LDLRAD4: variants seen among roughly 807,000 people sequenced by gnomAD.
LDLRAD4 encodes the protein low-density lipoprotein receptor class A domain-containing protein 4.
A neutral mutation model predicts 17.0 loss-of-function variants in LDLRAD4; 5 were observed. The observed-to-expected ratio is 0.29, with a 90% CI of 0.15 to 0.62. The LOEUF (loss-of-function observed/expected upper bound fraction) is 0.62. Among genes scored for constraint, LDLRAD4 ranks in the 20% least tolerant of loss-of-function variants. The pLI is 0.84. For synonymous variants in LDLRAD4, 168 were observed against 171.8 expected (o/e 0.98, Z 0.17); for missense variants, 340 against 424.7 (o/e 0.80, Z 1.75).
At chr18:13,401,728 G>C (rs763559220) in intron 2 of LDLRAD4, among the ~76,000 whole-genome samples, 1 of 152,232 alleles carries the variant, frequency 6.6e-6, no homozygotes, top group African/African-American at 2.4e-5. Flanking sequence ...GACACGTGGA[G>C]AATGGGGTCT....
chr18:13,281,804 C>G (rs1241862199), intron 1 of LDLRAD4, among the ~76,000 whole-genome samples: 1 of 152,214 alleles, frequency 6.6e-6, no homozygotes, highest in Non-Finnish European at 1.5e-5. Context: ...CCTCTGTCTA[C>G]CCAGCATCAG....
chr18:13,244,938 A>T (rs1281220508), intron 1 of LDLRAD4, among the ~76,000 whole-genome samples: 1 of 152,240 alleles, frequency 6.6e-6, no homozygotes, highest in Admixed American at 6.5e-5. Flanking sequence ...AGAAACAAAC[A>T]AGCAAGAGCG....
chr18:13,266,120 C>T (rs184029499), intron 1 of LDLRAD4, among the ~76,000 whole-genome samples: 77 of 152,294 alleles, frequency 5.1e-4, no homozygotes, highest in African/African-American at 1.7e-3. Flanking sequence ...GCAAGAATGG[C>T]GGGCTCCTTG....
chr18:13,604,910 G>A (rs1286055923), intron 3 of LDLRAD4, among the ~76,000 whole-genome samples: 3 of 152,084 alleles, frequency 2.0e-5, no homozygotes, highest in Non-Finnish European at 4.4e-5. Flanking sequence ...CAGGCAGGCA[G>A]GACACATGTG....
intron 3 of LDLRAD4, among the ~76,000 whole-genome samples, chr18:13,619,481 C>T (rs1185975863): frequency 6.2e-5 from 3 of 48,416 alleles, no homozygotes; most frequent in East Asian, 2.2e-3. Flanking sequence ...CCCTGGGGAG[C>T]GTTTTTGTGT....
In LDLRAD4 at chr18:13,300,530, G is replaced by C. The variant is rs552194924; in HGVS notation, c.-383+22342G>C. 4.6e-5 allele frequency among the ~76,000 whole-genome samples: 7 copies of C among 152,350 alleles called. No individual in the cohort carries two copies. Among genetic ancestry groups the C allele is most frequent in the African/African-American group, 1.7e-4 (7 of 41,584 alleles). The stretch of plus-strand genomic sequence containing the variant: ...CCATTGTCCTCACTCTTCCTCCTGG[G>C]CCTGTCCCGGTAGAGATACCCGGAA... On this transcript the variant is annotated intron_variant, in intron 1 of 5. Transcript: ENST00000359446. This position sits in a 1 kb window ranked among gnomAD's most constrained non-coding sequence, Gnocchi z 4.2.
rs567316574 is a variant in LDLRAD4 at position 13,552,235 on chromosome 18, A to G, written c.182-68882A>G. ...CTCCCAGCGGCCAGCCAGGTTGAGC[A>G]TCTGCATCCTTTAAACTGTCCACCA... is the stretch of plus-strand genomic sequence containing the variant. On this transcript the variant is annotated intron_variant, in intron 3 of 5. Coordinates refer to ENST00000359446, the Ensembl canonical transcript of LDLRAD4. Among the ~76,000 whole-genome samples, 4 of 152,240 alleles carry G rather than the reference A, an allele frequency of 2.6e-5. 1 individual carries two copies. The South Asian group carries it at 8.3e-4, about 31-fold the overall frequency.
chr18:13,354,647 G>A (rs986196229), intron 1 of LDLRAD4, among the ~76,000 whole-genome samples: 1 of 152,202 alleles, frequency 6.6e-6, no homozygotes, highest in Non-Finnish European at 1.5e-5. Flanking sequence ...GATCAGCTGA[G>A]CCTTCTGGTG....
At chr18:13,599,916 G>C (rs773918452) in intron 3 of LDLRAD4, among the ~76,000 whole-genome samples, 6 of 152,118 alleles carry the variant, frequency 3.9e-5, no homozygotes, top group Non-Finnish European at 8.8e-5. Context: ...TTTTAAATGA[G>C]CAAAAGAAAG....
chr18:13,503,241 T>C (rs1047287746), intron 3 of LDLRAD4, among the ~76,000 whole-genome samples: 5 of 152,216 alleles, frequency 3.3e-5, no homozygotes, highest in Admixed American at 6.5e-5. Context: ...CCCTAGGTAC[T>C]AACTGTTGGA....
intron 1 of LDLRAD4, among the ~76,000 whole-genome samples, chr18:13,351,634 C>T (rs139910990): frequency 1.4e-4 from 21 of 152,046 alleles, no homozygotes; most frequent in Middle Eastern, 6.8e-3. Context: ...GCCTACCAAC[C>T]GAAAAAAGCC....
At chr18:13,288,337 T>A (rs1414190528) in intron 1 of LDLRAD4, among the ~76,000 whole-genome samples, 1 of 152,238 alleles carries the variant, frequency 6.6e-6, no homozygotes, top group Non-Finnish European at 1.5e-5. Flanking sequence ...CTCTTCCCTA[T>A]CTGTTTAAAG....
chr18:13,425,088 T>C (rs934538137), intron 2 of LDLRAD4, among the ~76,000 whole-genome samples: 1 of 152,200 alleles, frequency 6.6e-6, no homozygotes, highest in Admixed American at 6.5e-5. Context: ...AAATAACAAA[T>C]AAACAATACT....
At chr18:13,395,956 T>A (rs935158388) in intron 2 of LDLRAD4, among the ~76,000 whole-genome samples, 3 of 152,110 alleles carry the variant, frequency 2.0e-5, no homozygotes, top group African/African-American at 7.2e-5. Flanking sequence ...CAGAGTCTCA[T>A]GGAGTCGTCA....
chr18:13,315,993 G>C (rs2080912038), intron 1 of LDLRAD4, among the ~76,000 whole-genome samples: 1 of 152,086 alleles, frequency 6.6e-6, no homozygotes, highest in South Asian at 2.1e-4. Flanking sequence ...GAGCATGAGA[G>C]CCACGGAGAT....
chr18:13,355,291 G>A (rs1257961562), intron 1 of LDLRAD4, among the ~76,000 whole-genome samples: 1 of 152,240 alleles, frequency 6.6e-6, no homozygotes, highest in Non-Finnish European at 1.5e-5. Flanking sequence ...ATTGATGTAT[G>A]TGGGGAAGTA....
chr18:13,504,752 A>G (rs1265854837), intron 3 of LDLRAD4, among the ~76,000 whole-genome samples: 2 of 152,218 alleles, frequency 1.3e-5, no homozygotes, highest in Admixed American at 6.5e-5. Flanking sequence ...TTTAGAATAC[A>G]CACTTTCTCT....
intron 3 of LDLRAD4, among the ~76,000 whole-genome samples, chr18:13,584,377 G>A (rs546152084): frequency 2.4e-4 from 37 of 152,242 alleles, no homozygotes; most frequent in African/African-American, 8.7e-4. Flanking sequence ...ACTGCTTGGC[G>A]CTTCCTCTCC....
chr18:13,231,498 A>G (rs2042074453), intron 1 of LDLRAD4, among the ~76,000 whole-genome samples: 1 of 152,222 alleles, frequency 6.6e-6, no homozygotes, highest in Non-Finnish European at 1.5e-5. Flanking sequence ...TCAACCAGCC[A>G]CGAATGGTAA....
Sources: allele counts gnomAD v4.1 joint callset (sites outside exome capture counted in the v4.1 genomes callset), GRCh38; gene constraint gnomAD v4.1.1; non-coding constraint Gnocchi (gnomAD v3.1); transcripts MANE v1.5; gene names NCBI Gene and HGNC (gene_info 2026-07-23, HGNC 2026-07-21).